Variants in GALNT17 observed in about 807,000 individuals in gnomAD.
GALNT17 encodes UDP-GalNAc:polypeptide N-acetylgalactosaminyltransferase-like 3.
GALNT17 carries 29 observed loss-of-function variants against 63.7 expected under a neutral mutation model. The observed-to-expected ratio is 0.46, with a 90% CI of 0.34 to 0.62. The LOEUF is 0.62. GALNT17 is among the 20% of genes least tolerant of loss of function. The pLI is 0.01. For synonymous variants in GALNT17, 305 were observed against 318.3 expected (o/e 0.96, Z 0.45); for missense variants, 603 against 799.6 (o/e 0.75, Z 2.97).
chr7:71,410,504 C>T (rs1793411038), intron 3 of GALNT17, among the ~76,000 whole-genome samples: 1 of 152,186 alleles, frequency 6.6e-6, no homozygotes, highest in Non-Finnish European at 1.5e-5. Flanking sequence ...CCTTGGCCTC[C>T]CAAAGTGCTG....
At chr7:71,341,841 C>T (rs2116129027) in intron 2 of GALNT17, among the ~76,000 whole-genome samples, 1 of 152,244 alleles carries the variant, frequency 6.6e-6, no homozygotes, top group South Asian at 2.1e-4. Context: ...TGAAGAGATG[C>T]TCCAGGGTAA....
At chr7:71,459,393 G>C (rs904559717) in intron 5 of GALNT17, among the ~76,000 whole-genome samples, 1 of 152,222 alleles carries the variant, frequency 6.6e-6, no homozygotes, top group African/African-American at 2.4e-5. Context: ...ACAAGAGCAG[G>C]TTACAGTCTG....
intron 5 of GALNT17, among the ~76,000 whole-genome samples, chr7:71,477,092 A>G (rs1235850286): frequency 6.6e-6 from 1 of 152,158 alleles, no homozygotes; most frequent in African/African-American, 2.4e-5. Flanking sequence ...AGTAAGCATT[A>G]CTATGTAAGT....
intron 4 of GALNT17, among the ~76,000 whole-genome samples, chr7:71,420,550 T>C (rs2960888): frequency 1.3e-5 from 2 of 152,102 alleles, no homozygotes; most frequent in Non-Finnish European, 2.9e-5. Context: ...AAAACTGTCA[T>C]GCAATGTGAA....
intron 3 of GALNT17, among the ~76,000 whole-genome samples, 176 bp from the exon 4 acceptor site, chr7:71,415,713 T>C (rs952672922): frequency 1.3e-5 from 2 of 152,194 alleles, no homozygotes; most frequent in African/African-American, 4.8e-5. Flanking sequence ...GGTGAATGCA[T>C]CAGAGATGTC....
chr7:71,711,887 T>C, intron 10 of GALNT17, 131 bp from the exon 11 acceptor site: 1 of 1,020,736 alleles, frequency 9.8e-7, no homozygotes, highest in African/African-American at 1.6e-5. Context: ...TGTCTCTCTC[T>C]TTCTCTTCTC....
At chr7:71,368,130 C>T (rs1792549440) in intron 2 of GALNT17, among the ~76,000 whole-genome samples, 1 of 152,186 alleles carries the variant, frequency 6.6e-6, no homozygotes, top group African/African-American at 2.4e-5. Flanking sequence ...AGAGAGCGTG[C>T]ACACACGCAT....
intron 1 of GALNT17, among the ~76,000 whole-genome samples, chr7:71,323,960 C>G (rs983451872): frequency 2.0e-5 from 3 of 152,154 alleles, no homozygotes; most frequent in South Asian, 2.1e-4. Context: ...CTCTGACTTT[C>G]TGGGTTGGAT....
At chr7:71,598,940 T>C (rs1340219545) in intron 6 of GALNT17, among the ~76,000 whole-genome samples, 1 of 151,950 alleles carries the variant, frequency 6.6e-6, no homozygotes, top group Non-Finnish European at 1.5e-5. Context: ...CATGGAAGCA[T>C]GGCTTGAAAG....
At chr7:71,493,608 A>T (rs1788045660) in intron 5 of GALNT17, among the ~76,000 whole-genome samples, 2 of 152,142 alleles carry the variant, frequency 1.3e-5, no homozygotes, top group Non-Finnish European at 2.9e-5. Flanking sequence ...GTTCACTATC[A>T]TGAGAACAGT....
chr7:71,522,432 A>G (rs1788545087), intron 5 of GALNT17, among the ~76,000 whole-genome samples: 1 of 152,222 alleles, frequency 6.6e-6, no homozygotes, highest in Non-Finnish European at 1.5e-5. Flanking sequence ...CCTCACAATC[A>G]TGGTGGAAGT....
intron 10 of GALNT17, among the ~76,000 whole-genome samples, chr7:71,711,731 CCCT>C (rs1278341126): frequency 6.7e-6 from 1 of 148,272 alleles, no homozygotes; most frequent in African/African-American, 2.5e-5. Context: ...CTTTTTCTAC[CCCT>C]CCTCCCTTTC....
chr7:71,575,555 A>G (rs1789523347), intron 6 of GALNT17, among the ~76,000 whole-genome samples: 1 of 151,928 alleles, frequency 6.6e-6, no homozygotes, highest in Middle Eastern at 3.4e-3. Flanking sequence ...CACCCGGCTA[A>G]GTTTTTGTAC....
At chr7:71,538,608 T>A (rs758196175) in intron 5 of GALNT17, among the ~76,000 whole-genome samples, 8 of 152,200 alleles carry the variant, frequency 5.3e-5, no homozygotes, top group Non-Finnish European at 1.2e-4. Context: ...AATAAAATGA[T>A]CAATCGCCCT....
chr7:71,494,984 T>A (rs1406099713), intron 5 of GALNT17, among the ~76,000 whole-genome samples: 1 of 152,130 alleles, frequency 6.6e-6, no homozygotes, highest in Non-Finnish European at 1.5e-5. Flanking sequence ...CAAGGTGAGA[T>A]TTGGGGCCAG....
intron 6 of GALNT17, among the ~76,000 whole-genome samples, chr7:71,632,256 C>A (rs1459190317): frequency 1.3e-5 from 2 of 152,120 alleles, no homozygotes; most frequent in African/African-American, 4.8e-5. Flanking sequence ...GAGCTTTTGT[C>A]CCTGGAAGCA....
intron 1 of GALNT17, among the ~76,000 whole-genome samples, chr7:71,276,613 G>T (rs755930461): frequency 6.6e-6 from 1 of 152,134 alleles, no homozygotes; most frequent in Non-Finnish European, 1.5e-5. Flanking sequence ...CATGTAAGAC[G>T]TGGCTTTGCT....
At chr7:71,275,610 T>C (rs1790669045) in intron 1 of GALNT17, among the ~76,000 whole-genome samples, 1 of 152,158 alleles carries the variant, frequency 6.6e-6, no homozygotes, top group African/African-American at 2.4e-5. Context: ...ATGTAAAGGC[T>C]CTATCTACGG....
At chr7:71,279,720 T>C (rs896445156) in intron 1 of GALNT17, among the ~76,000 whole-genome samples, 8 of 151,496 alleles carry the variant, frequency 5.3e-5, no homozygotes, top group Admixed American at 1.3e-4. Context: ...TTTTACAGAC[T>C]TGAGCATGGA....
Sources: gnomAD v4.1 joint callset for allele counts (sites outside exome capture counted in the v4.1 genomes callset) on GRCh38, gnomAD v4.1.1 for gene constraint, MANE v1.5 for transcripts, NCBI Gene and HGNC (gene_info 2026-07-23, HGNC 2026-07-21) for gene names.